MEGF6: variants seen among roughly 807,000 people sequenced by gnomAD.
The protein encoded by MEGF6 is multiple EGF like domains 6.
MEGF6 carries 184 observed loss-of-function variants against 207.1 expected under a neutral mutation model. That is an observed-to-expected ratio of 0.89 (90% CI 0.79 to 1.00). The LOEUF is 1.00. Ranked by LOEUF, MEGF6 falls within the 50% of genes least tolerant of loss-of-function variation. The probability of loss-of-function intolerance (pLI) is 0.00; values close to 1 mark genes in which losing one functional copy is unlikely to be tolerated. For synonymous variants in MEGF6, 1,038 were observed against 910.0 expected (o/e 1.14, Z -2.53); for missense variants, 2,282 against 2,202.9 (o/e 1.04, Z -0.72).
At chr1:3,611,111 CG>C (rs1446629061) in intron 1 of MEGF6, 26 bp downstream of exon 1, 2 of 1,467,084 alleles carry the variant, frequency 1.4e-6, no homozygotes, top group African/African-American at 2.9e-5. Context: ...GACGACCGGC[CG>C]AGCCCTCCCA....
At chr1:3,500,812 C>T (rs747217820) in intron 20 of MEGF6, 48 bp from the exon 21 acceptor site, 125 of 1,594,918 alleles carry the variant, frequency 7.8e-5, no homozygotes, top group Middle Eastern at 1.9e-4. Flanking sequence ...GCGCGGGCCA[C>T]GGGCACCACA....
At position 3,493,839 on chromosome 1, in the gene MEGF6, GC is replaced by G. The variant is rs759225724; in HGVS notation, c.4318del (p.Ala1440HisfsTer78). 4.4e-6 allele frequency: 7 copies of G among 1,605,258 alleles called. No homozygotes were observed. Among genetic ancestry groups the G allele is most frequent in the East Asian group, 2.3e-5 (1 of 44,406 alleles). On this transcript the variant is annotated frameshift_variant, in exon 34 of 37. Coordinates refer to ENST00000356575, the MANE Select transcript of MEGF6 (RefSeq NM_001409.4). LOFTEE classifies it high-confidence loss of function. ...CHQRCDCDGG[A>X]PCDPVTGLCL... Reference sequence around the variant, plus strand: ...GAGACCGGTGACAGGGTCACAGGGTGCCCCCCCGTCACAGTCACAGCGCTGG... The same window carrying G: ...GAGACCGGTGACAGGGTCACAGGGTGCCCCCCGTCACAGTCACAGCGCTGG...
At chr1:3,533,227 T>C (rs1191534639) in intron 4 of MEGF6, among the ~76,000 whole-genome samples, 1 of 152,186 alleles carries the variant, frequency 6.6e-6, no homozygotes, top group African/African-American at 2.4e-5. Flanking sequence ...CTGTCTCACC[T>C]TGCCCCGTCC....
chr1:3,514,497 C>CT, intron 7 of MEGF6, 53 bp downstream of exon 7: 1 of 1,539,386 alleles, frequency 6.5e-7, no homozygotes, highest in Non-Finnish European at 8.7e-7. Flanking sequence ...TCCACAGCAC[C>CT]TGGGTGCGCT....
At chr1:3,612,246 C>G (rs1644338543), upstream of MEGF6, among the ~76,000 whole-genome samples, 1 of 151,328 alleles carries the variant, frequency 6.6e-6, no homozygotes, top group Non-Finnish European at 1.5e-5. Flanking sequence ...GGCGCGGGGT[C>G]CCAGCAGCCA....
chr1:3,535,108 A>G (rs1315095050), intron 4 of MEGF6, among the ~76,000 whole-genome samples: 1 of 152,134 alleles, frequency 6.6e-6, no homozygotes, highest in Non-Finnish European at 1.5e-5. Context: ...AGAGGCCTGA[A>G]TGAGACCAGC....
At position 3,536,497 on chromosome 1, in the gene MEGF6, G is replaced by A. The variant is rs77860206; in HGVS notation, c.482-12251C>T. Among the ~76,000 whole-genome samples, 1,480 of 152,246 alleles carry A rather than the reference G, an allele frequency of 9.7e-3. 24 individuals carry two copies. The highest frequency in any genetic ancestry group is 0.033 in the African/African-American group (1,372 of 41,538). Reference sequence around the variant, plus strand: ...AGGGAGGAGCCCGGGCGTGGCCGTGGGGGGCAGCAGCCCACCGGTAGAGAG... The same window carrying A: ...AGGGAGGAGCCCGGGCGTGGCCGTGAGGGGCAGCAGCCCACCGGTAGAGAG... On this transcript the variant is annotated intron_variant, in intron 4 of 36. Coordinates refer to ENST00000356575, the MANE Select transcript of MEGF6 (RefSeq NM_001409.4).
rs1389789889 is a variant in MEGF6 at position 3,488,093 on chromosome 1, T to C, written c.*2435A>G. ...ATATCATCATCTCAAGCGTTTATTA[T>C]GTGTGTTGAGAATGTTCAATATCCT... On this transcript the variant is annotated 3_prime_UTR_variant, in exon 37 of 37. Transcript: ENST00000356575. 6.6e-6 allele frequency among the ~76,000 whole-genome samples: 1 copy of C among 152,214 alleles called. No homozygotes were observed. The highest frequency in any genetic ancestry group is 2.4e-5 in the African/African-American group (1 of 41,454).
the MEGF6 span, among the ~76,000 whole-genome samples, chr1:3,621,728 A>T: frequency 1.3e-5 from 2 of 152,186 alleles, no homozygotes; most frequent in African/African-American, 4.8e-5. Context: ...TGCACCCTGC[A>T]CCTGGAAAAG....
intron 4 of MEGF6, among the ~76,000 whole-genome samples, chr1:3,549,735 T>C (rs1051080876): frequency 2.0e-5 from 3 of 152,202 alleles, no homozygotes; most frequent in African/African-American, 7.2e-5. Context: ...GGAATTTACC[T>C]AGGCAACACT....
In MEGF6 at chr1:3,489,983, C is replaced by T. The variant is rs1403056358; in HGVS notation, c.*545G>A. ...TACCGGAGCCAGCAGCCTGGTGAGC[C>T]CGCAGGAGCCTGCAGACCTGAATCA... On this transcript the variant is annotated 3_prime_UTR_variant, in exon 37 of 37. Coordinates refer to ENST00000356575, the MANE Select transcript of MEGF6 (RefSeq NM_001409.4). The T allele has an allele frequency of 1.3e-5, 2 of 155,056 alleles. No individual in the cohort carries two copies. The highest frequency in any genetic ancestry group is 4.8e-5 in the African/African-American group (2 of 41,510). 9.6% of individuals were successfully genotyped at this position (155,056 alleles called of 1,614,324 possible).
chr1:3,524,056 G>A, intron 5 of MEGF6, 68 bp downstream of exon 5: 2 of 1,550,420 alleles, frequency 1.3e-6, no homozygotes, highest in Non-Finnish European at 8.8e-7. Flanking sequence ...GGCCAGGCCT[G>A]GGCACACCCC....
chr1:3,572,633 TC>T (rs1199410157), intron 4 of MEGF6, among the ~76,000 whole-genome samples: 5 of 134,658 alleles, frequency 3.7e-5, no homozygotes, highest in African/African-American at 8.4e-5. Flanking sequence ...GCTGGGTCCT[TC>T]CTGGGTGTGC....
chr1:3,590,862 G>A (rs1295373368), intron 3 of MEGF6, among the ~76,000 whole-genome samples: 2 of 152,138 alleles, frequency 1.3e-5, no homozygotes, highest in African/African-American at 4.8e-5. Flanking sequence ...CCTGCACAGG[G>A]GCCGTGTAAA....
At chr1:3,529,039 C>G (rs1642059307) in intron 4 of MEGF6, among the ~76,000 whole-genome samples, 1 of 152,210 alleles carries the variant, frequency 6.6e-6, no homozygotes, top group South Asian at 2.1e-4. Flanking sequence ...GACCGGCCCC[C>G]CGACTCCTGT....
intron 30 of MEGF6, among the ~76,000 whole-genome samples, chr1:3,495,116 G>A (rs1490434023): frequency 2.0e-5 from 3 of 152,206 alleles, no homozygotes; most frequent in African/African-American, 4.8e-5. Context: ...GAGAAGTAGC[G>A]TGGCTGGGCT....
At chr1:3,599,108 G>A (rs1461719632) in intron 2 of MEGF6, among the ~76,000 whole-genome samples, 1 of 152,204 alleles carries the variant, frequency 6.6e-6, no homozygotes, top group Non-Finnish European at 1.5e-5. Context: ...GCTGACGCCT[G>A]CTGCCCTTCT....
At chr1:3,507,200 G>T (rs947427013) in intron 14 of MEGF6, among the ~76,000 whole-genome samples, 3 of 152,190 alleles carry the variant, frequency 2.0e-5, no homozygotes, top group Non-Finnish European at 4.4e-5. Flanking sequence ...CAGGTTCTAG[G>T]GTTGGCTGTC....
At chr1:3,513,858 C>A (rs188580963) in intron 7 of MEGF6, among the ~76,000 whole-genome samples, 27 of 151,684 alleles carry the variant, frequency 1.8e-4, no homozygotes, top group Admixed American at 3.9e-4. Context: ...TACCAAAGTG[C>A]TGGGATTACA....
Sources: gnomAD v4.1 joint callset for allele counts (sites outside exome capture counted in the v4.1 genomes callset) on GRCh38, gnomAD v4.1.1 for gene constraint, MANE v1.5 for transcripts, NCBI Gene and HGNC (gene_info 2026-07-23, HGNC 2026-07-21) for gene names.